SNED1: variants seen among roughly 807,000 people sequenced by gnomAD.
The protein encoded by SNED1 is sushi, nidogen and EGF-like domain-containing protein 1.
SNED1 carries 81 observed loss-of-function variants against 166.7 expected under a neutral mutation model. The observed-to-expected ratio is 0.49, with a 90% CI of 0.41 to 0.58. The LOEUF (loss-of-function observed/expected upper bound fraction) is 0.58. Among genes scored for constraint, SNED1 ranks in the 20% least tolerant of loss-of-function variants. The pLI, the probability that SNED1 is intolerant of heterozygous loss-of-function variation, is 0.00. For missense variants in SNED1, 1,604 were observed against 2,000.2 expected (o/e 0.80, Z 3.78); for synonymous variants, 762 against 822.0 (o/e 0.93, Z 1.25).
intron 1 of SNED1, among the ~76,000 whole-genome samples, chr2:241,027,097 T>A (rs11904410): frequency 0.28 from 42,533 of 151,616 alleles, 7,482 homozygotes; most frequent in East Asian, 0.54. Flanking sequence ...TTTTTTTTTT[T>A]AAAGACAGGG....
intron 6 of SNED1, among the ~76,000 whole-genome samples, chr2:241,039,113 C>G (rs1197131307): frequency 1.3e-5 from 2 of 152,300 alleles, no homozygotes; most frequent in South Asian, 2.1e-4. Context: ...CCTCGACCCC[C>G]CACAGGGGCT....
intron 21 of SNED1, 138 bp downstream of exon 21, chr2:241,065,733 G>A (rs2062418130): frequency 2.6e-6 from 2 of 772,606 alleles, no homozygotes; most frequent in Non-Finnish European, 4.1e-6. Flanking sequence ...GCTGAGCTGG[G>A]GGTTGGAGGC....
intron 1 of SNED1, among the ~76,000 whole-genome samples, chr2:241,019,277 C>G (rs763476181): frequency 1.9e-4 from 29 of 152,104 alleles, no homozygotes; most frequent in Non-Finnish European, 3.7e-4. Context: ...CTTGAAAATG[C>G]CAGGAGCCTG....
chr2:241,071,868 C>T lies in SNED1; in HGVS notation c.3807C>T (p.Thr1269=), dbSNP rs765449371. ...GTGGCTCACCCAGCAAAGCAGCCACCGTGAGATCACGTGAGTGCCAGGGCC... is the reference window on the plus strand; with the variant it reads ...GTGGCTCACCCAGCAAAGCAGCCACTGTGAGATCACGTGAGTGCCAGGGCC... ...RFGGSPSKAA[T]VRSQPTASAQ... is the part of the protein sequence containing the mutation. Residue 1269 remains threonine, a synonymous_variant, in exon 26 of 32, where the codon ACC becomes ACT. Coordinates refer to ENST00000310397, the MANE Select transcript of SNED1 (RefSeq NM_001080437.3). The T allele has an allele frequency of 3.1e-6, 5 of 1,600,552 alleles. No homozygotes were observed. The highest frequency in any genetic ancestry group is 3.4e-6 in the Non-Finnish European group (4 of 1,174,278).
intron 29 of SNED1, among the ~76,000 whole-genome samples, chr2:241,086,248 CTTCTT>C (rs2063569203): frequency 1.3e-5 from 2 of 152,220 alleles, no homozygotes; most frequent in African/African-American, 2.4e-5. Flanking sequence ...CTCAGTAGTT[CTTCTT>C]TGCCTTGTGG....
chr2:241,052,635 C>CA (rs1559269226), intron 15 of SNED1, among the ~76,000 whole-genome samples, 167 bp downstream of exon 15: 9 of 88,508 alleles, frequency 1.0e-4, no homozygotes, highest in African/African-American at 3.3e-4. Context: ...GTGAGAGGGC[C>CA]GGGGGGCCAA....
upstream of SNED1, among the ~76,000 whole-genome samples, chr2:240,998,561 GC>G (rs536877002): frequency 3.3e-5 from 5 of 151,836 alleles, no homozygotes; most frequent in South Asian, 4.2e-4. Context: ...GCATGGCCCC[GC>G]CCCCCCGAGT....
At chr2:241,081,905 C>G (rs2063346362) in intron 28 of SNED1, 112 bp downstream of exon 28, 1 of 800,986 alleles carries the variant, frequency 1.2e-6, no homozygotes, top group Non-Finnish European at 2.1e-6. Flanking sequence ...GATGAGGTGC[C>G]AGACAGGGAG....
intron 1 of SNED1, among the ~76,000 whole-genome samples, chr2:241,002,882 C>T (rs981347786): frequency 3.7e-4 from 57 of 152,020 alleles, no homozygotes; most frequent in Non-Finnish European, 2.9e-4. Flanking sequence ...CCCTCCTCTC[C>T]CTCACCCTCC....
At position 241,071,710 on chromosome 2, in the gene SNED1, C is replaced by CCCCCCCCCCCGGGAA; in HGVS notation, c.3724_3725insCCCCCCCCCCGGGAA (p.Gln1242delinsProProProProGlyLys). ...CCACAGCGCCCCCGAGACCCCCACC[C>CCCCCCCCCCCGGGAA]AGCCCCCCAGGTACATGCCCCACCC... On this transcript the variant is annotated protein_altering_variant, in exon 25 of 32. Coordinates refer to ENST00000310397, the MANE Select transcript of SNED1 (RefSeq NM_001080437.3). 6.8e-7 allele frequency: 1 copy of CCCCCCCCCCCGGGAA among 1,470,604 alleles called. No homozygotes were observed. The highest frequency in any genetic ancestry group is 9.2e-7 in the Non-Finnish European group (1 of 1,090,458). 91.1% of individuals were successfully genotyped at this position (1,470,604 alleles called of 1,614,324 possible). A position where few individuals can be genotyped will look rare whatever the true frequency, so the allele number is the denominator to read the frequency against.
At chr2:241,057,408 T>TATATATATATATATATATATGC (rs1255227866) in intron 16 of SNED1, among the ~76,000 whole-genome samples, 9 of 119,202 alleles carry the variant, frequency 7.6e-5, no homozygotes, top group African/African-American at 2.8e-4. Flanking sequence ...TATATATATA[T>TATATATATATATATATATATGC]ATATGCCATA....
At chr2:241,059,973 T>A (rs559677653) in intron 16 of SNED1, among the ~76,000 whole-genome samples, 1 of 152,284 alleles carries the variant, frequency 6.6e-6, no homozygotes, top group East Asian at 1.9e-4. Flanking sequence ...CATGATTGTA[T>A]GCATAGAAAA....
chr2:241,033,299 G>T (rs1052973558), intron 2 of SNED1, among the ~76,000 whole-genome samples: 36 of 152,118 alleles, frequency 2.4e-4, no homozygotes, highest in African/African-American at 8.0e-4. Flanking sequence ...ATATTTCCTT[G>T]CAGTAGAATT....
In SNED1 at chr2:241,069,648, G is replaced by A. The variant is rs967585723; in HGVS notation, c.3308-272G>A. On this transcript the variant is annotated intron_variant, in intron 23 of 31. Coordinates refer to ENST00000310397, the MANE Select transcript of SNED1 (RefSeq NM_001080437.3). The surrounding 1 kb of genome is among the most constrained non-coding windows in gnomAD (Gnocchi z 4.9). ...AGGGGAACCGACTGTGCCGCAGGGA[G>A]GGCGCCAGCTGACGGGCCAGGGCCT... Among the ~76,000 whole-genome samples, 1 of 152,190 alleles carries A rather than the reference G, an allele frequency of 6.6e-6. No homozygotes were observed. The highest frequency in any genetic ancestry group is 2.4e-5 in the African/African-American group (1 of 41,432).
Position 241,030,294 on chromosome 2 carries a change from A to G in SNED1, c.224A>G (p.Asn75Ser). The G allele has an allele frequency of 6.3e-7, 1 of 1,588,598 alleles. No homozygotes were observed. The change falls in exon 2 of 32, where the codon AAC (asparagine) becomes AGC (serine). Residue 75 changes from asparagine to serine, a missense_variant. Asn to Ser is a conservative substitution (Grantham distance 46). Coordinates refer to ENST00000310397, the MANE Select transcript of SNED1 (RefSeq NM_001080437.3). The stretch of plus-strand genomic sequence containing the variant: ...CTTTCTGCCTCCCAGGTGAACAACA[A>G]CGGGATCATCTCCTTCCTGAAGGAG... Reference protein sequence around the residue: ...AEHSGLYVNNNGIISFLKEVS... With the variant: ...AEHSGLYVNNSGIISFLKEVS...
chr2:241,035,038 G>A (rs936789124), intron 4 of SNED1, among the ~76,000 whole-genome samples: 1 of 152,152 alleles, frequency 6.6e-6, no homozygotes, highest in Non-Finnish European at 1.5e-5. Context: ...TGGAGACTGC[G>A]GGTTTCGGGG....
chr2:241,040,550 G>A (rs1574962189), intron 8 of SNED1, 137 bp downstream of exon 8: 2 of 629,296 alleles, frequency 3.2e-6, no homozygotes, highest in African/African-American at 3.7e-5. Flanking sequence ...GGATGCCTCT[G>A]CCCCCTTCCC....
intron 20 of SNED1, 145 bp downstream of exon 20, chr2:241,065,102 G>T: frequency 1.2e-6 from 1 of 815,824 alleles, no homozygotes; most frequent in Non-Finnish European, 1.9e-6. Context: ...AAAATCCCCC[G>T]GTGGGCTTGA....
rs765842640 is a variant in SNED1, at chr2:241,037,228, C to T, written c.932-12C>T. ...TCCCGCCGCTGAGGCCTCAGCCTGC[C>T]CCATGTTTCAGACGTGAACGAATGT... On this transcript the variant is annotated splice_polypyrimidine_tract_variant and intron_variant, in intron 5 of 31. Transcript: ENST00000310397. 7 of 1,597,852 alleles carry T rather than the reference C, an allele frequency of 4.4e-6. No individual in the cohort carries two copies. The South Asian group carries it at 7.9e-5, about 18-fold the overall frequency.
Sources: allele counts gnomAD v4.1 joint callset (sites outside exome capture counted in the v4.1 genomes callset), GRCh38; gene constraint gnomAD v4.1.1; non-coding constraint Gnocchi (gnomAD v3.1); transcripts MANE v1.5; gene names NCBI Gene and HGNC (gene_info 2026-07-23, HGNC 2026-07-21).